Variants in GOLIM4 observed in about 807,000 individuals in gnomAD.
The protein encoded by GOLIM4 is 130 kDa golgi-localized phosphoprotein.
Under a neutral mutation model 107.4 loss-of-function variants are expected in GOLIM4, and 71 were observed. That is an observed-to-expected ratio of 0.66 (90% confidence interval 0.55 to 0.81). GOLIM4 has a LOEUF of 0.81. Ranked by LOEUF, GOLIM4 falls within the 30% of genes least tolerant of loss-of-function variation. GOLIM4 has a pLI of 0.00. For missense variants in GOLIM4, 830 were observed against 826.1 expected (o/e 1.00, Z -0.06); for synonymous variants, 327 against 294.8 (o/e 1.11, Z -1.12).
rs1408572863 is a variant in GOLIM4 at position 168,044,877 on chromosome 3, T to C, written c.317A>G (p.Asp106Gly). 1.3e-6 allele frequency: 2 copies of C among 1,543,814 alleles called. No homozygotes were observed. The highest frequency in any genetic ancestry group is 1.5e-5 in the African/African-American group (1 of 68,592). The part of the protein sequence containing the change: ...AQETLNKGRQ[D>G]SNSRYSALNV... ...CAGTGCACTGTATCTGCTATTGGAATCTTGCTGTAAATCAAAAAAAAAAAA... is the reference window on the plus strand; with the variant it reads ...CAGTGCACTGTATCTGCTATTGGAACCTTGCTGTAAATCAAAAAAAAAAAA... The change falls in exon 4 of 16, where the codon GAT becomes GGT. Residue 106 changes from aspartate to glycine, a missense_variant. Asp to Gly is a moderately conservative substitution (Grantham distance 94, BLOSUM62 -1). Coordinates refer to ENST00000470487, the MANE Select transcript of GOLIM4 (RefSeq NM_014498.5).
At chr3:168,041,327 T>A in intron 6 of GOLIM4, 65 bp downstream of exon 6, 2 of 942,882 alleles carry the variant, frequency 2.1e-6, no homozygotes, top group Non-Finnish European at 3.4e-6. Flanking sequence ...GAATGACTTT[T>A]TAAAGTCATT....
chr3:168,066,615 T>C (rs1473673784), intron 1 of GOLIM4, among the ~76,000 whole-genome samples: 1 of 152,164 alleles, frequency 6.6e-6, no homozygotes, highest in African/African-American at 2.4e-5. Context: ...AAAAGTGTCC[T>C]TTAATACCTA....
At chr3:168,035,759 C>A (rs1216260878) in intron 8 of GOLIM4, among the ~76,000 whole-genome samples, 5 of 152,162 alleles carry the variant, frequency 3.3e-5, no homozygotes, top group African/African-American at 1.2e-4. Context: ...ACGTAACAAA[C>A]TTGCTCATGT....
chr3:168,069,831 C>A (rs978377668), intron 1 of GOLIM4, among the ~76,000 whole-genome samples: 1 of 152,092 alleles, frequency 6.6e-6, no homozygotes, highest in Non-Finnish European at 1.5e-5. Context: ...ATCTTAAAAG[C>A]GGATCATTAG....
At chr3:168,068,906 G>A (rs769124774) in intron 1 of GOLIM4, among the ~76,000 whole-genome samples, 22 of 150,330 alleles carry the variant, frequency 1.5e-4, no homozygotes, top group Non-Finnish European at 1.8e-4. Context: ...GCACGATCTC[G>A]GCTCACCGCA....
rs145344890 is a variant in GOLIM4, at chr3:168,046,931, C to CAA, written c.312+17_312+18dup. 7 of 1,266,676 alleles carry CAA rather than the reference C, an allele frequency of 5.5e-6. No individual in the cohort carries two copies. In the African/African-American group the frequency reaches 6.4e-5, roughly 12 times the overall value. The allele number at this position is 1,266,676 out of a possible 1,614,324, so 78.5% of individuals were successfully genotyped here. A position where few individuals can be genotyped will look rare whatever the true frequency, so the allele number is the denominator to read the frequency against. On this transcript the variant is annotated intron_variant, in intron 3 of 15. Coordinates refer to ENST00000470487, the MANE Select transcript of GOLIM4 (RefSeq NM_014498.5). ...AATTAAGGAAAACAAACAACCACAA[C>CAA]AAAAAAAACAAAACTTACCCTTCCT...
At chr3:168,056,697 T>C (rs374523362) in intron 1 of GOLIM4, among the ~76,000 whole-genome samples, 1 of 152,246 alleles carries the variant, frequency 6.6e-6, no homozygotes, top group African/African-American at 2.4e-5. Context: ...CTGCTGGATT[T>C]TGGTCTTGCG....
chr3:168,048,410 T>A, intron 1 of GOLIM4, 45 bp from the exon 2 acceptor site: 1 of 874,278 alleles, frequency 1.1e-6, no homozygotes, highest in Non-Finnish European at 1.7e-6. Context: ...ATTAGAAATT[T>A]AAAACTAAAA....
chr3:168,047,243 T>C (rs564250569), intron 2 of GOLIM4, among the ~76,000 whole-genome samples: 2 of 152,302 alleles, frequency 1.3e-5, no homozygotes, highest in East Asian at 3.9e-4. Flanking sequence ...TTATAGCCAA[T>C]TGATTAAAAG....
At position 168,052,739 on chromosome 3, in the gene GOLIM4, G is replaced by A. The variant is rs115628937; in HGVS notation, c.188-4374C>T. On this transcript the variant is annotated intron_variant, in intron 1 of 15. Transcript: ENST00000470487. ...GGTTTACTGTTTCACTTAGAATGAG[G>A]ATAGCTAATCAATCCTTGTCACCTA... Among the ~76,000 whole-genome samples, 325 of 152,192 alleles carry A rather than the reference G, an allele frequency of 2.1e-3. 2 individuals carry two copies. Among genetic ancestry groups the A allele is most frequent in the African/African-American group, 7.3e-3 (305 of 41,538 alleles).
intron 1 of GOLIM4, among the ~76,000 whole-genome samples, chr3:168,050,906 C>T (rs187804229): frequency 3.8e-4 from 57 of 150,534 alleles, no homozygotes; most frequent in Admixed American, 3.5e-3. Context: ...ACATACAAGG[C>T]AGACTGTTCA....
chr3:168,080,181 A>C (rs1288856305), intron 1 of GOLIM4, among the ~76,000 whole-genome samples: 1 of 152,190 alleles, frequency 6.6e-6, no homozygotes, highest in African/African-American at 2.4e-5. Context: ...AGATCTTCTG[A>C]CAAATTCCAG....
At chr3:168,045,798 G>A (rs1284883937) in intron 3 of GOLIM4, among the ~76,000 whole-genome samples, 1 of 152,088 alleles carries the variant, frequency 6.6e-6, no homozygotes, top group Non-Finnish European at 1.5e-5. Flanking sequence ...GAAATTACAA[G>A]TGCACACAGC....
Position 168,040,815 on chromosome 3 carries a change from C to A in GOLIM4, c.655G>T (p.Asp219Tyr), listed in dbSNP as rs1445321060. Residue 219 changes from aspartate to tyrosine, a missense_variant, in exon 7 of 16, where the codon GAC (aspartate) becomes TAC (tyrosine). Transcript: ENST00000470487. Reference sequence around the variant, plus strand: ...GCAGCAGCTAGTGCACTCTTGTGGTCTTCCAAAGTCACTACAAGTTGTTCA... The same window carrying A: ...GCAGCAGCTAGTGCACTCTTGTGGTATTCCAAAGTCACTACAAGTTGTTCA... ...EHEQLVVTLE[D>Y]HKSALAAAQT... 52 of 1,613,100 alleles carry A rather than the reference C, an allele frequency of 3.2e-5. No individual in the cohort carries two copies. The highest frequency in any genetic ancestry group is 4.3e-5 in the Non-Finnish European group (51 of 1,179,220).
chr3:168,095,858 G>C lies in GOLIM4; in HGVS notation c.-573C>G, dbSNP rs573715665. ...GACGGCACAGCGGTGTCACTGACGG[G>C]TCGGCTGGTGCCTCTGCCGCCCCGC... On this transcript the variant is annotated 5_prime_UTR_variant, in exon 1 of 16. Transcript: ENST00000470487. The C allele has an allele frequency of 2.0e-5, 3 of 152,406 alleles. No individual in the cohort carries two copies. The highest frequency in any genetic ancestry group is 7.2e-5 in the African/African-American group (3 of 41,462). 9.4% of individuals were successfully genotyped at this position (152,406 alleles called of 1,614,324 possible).
At chr3:168,084,769 T>G (rs1012179556) in intron 1 of GOLIM4, among the ~76,000 whole-genome samples, 6 of 152,144 alleles carry the variant, frequency 3.9e-5, no homozygotes, top group African/African-American at 1.4e-4. Context: ...AAGAAAAGTG[T>G]TAGTGAGAAT....
chr3:168,091,936 G>A (rs1721935677), intron 1 of GOLIM4, among the ~76,000 whole-genome samples: 3 of 152,148 alleles, frequency 2.0e-5, no homozygotes, highest in Admixed American at 6.5e-5. Context: ...GTAAATGCAC[G>A]GAAAGGCTCA....
At chr3:168,055,030 T>C (rs1258165449) in intron 1 of GOLIM4, among the ~76,000 whole-genome samples, 1 of 152,098 alleles carries the variant, frequency 6.6e-6, no homozygotes, top group Non-Finnish European at 1.5e-5. Flanking sequence ...CATGTGGAAC[T>C]GTAAGTCCAA....
intron 14 of GOLIM4, among the ~76,000 whole-genome samples, chr3:168,015,114 A>T (rs1201336016): frequency 1.3e-5 from 2 of 151,028 alleles, no homozygotes; most frequent in East Asian, 3.9e-4. Flanking sequence ...CTGTTTGCAG[A>T]CGACATGATT....
Sources: gnomAD v4.1 joint callset for allele counts (sites outside exome capture counted in the v4.1 genomes callset) on GRCh38, gnomAD v4.1.1 for gene constraint, MANE v1.5 for transcripts, NCBI Gene and HGNC (gene_info 2026-07-23, HGNC 2026-07-21) for gene names.